The following TNKS variants were observed in gnomAD, a reference collection of about 807,000 sequenced individuals.
TNKS encodes tankyrase, also known as poly [ADP-ribose] polymerase tankyrase-1.
A neutral mutation model predicts 135.8 loss-of-function variants in TNKS; 72 were observed. The observed-to-expected ratio is 0.53, with a 90% CI of 0.44 to 0.64. TNKS has a LOEUF of 0.64. Ranked by LOEUF, TNKS falls within the 30% of genes least tolerant of loss-of-function variation. The pLI is 0.00. For synonymous variants in TNKS, 849 were observed against 649.3 expected (o/e 1.31, Z -4.68); for missense variants, 1,769 against 1,674.0 (o/e 1.06, Z -0.99).
chr8:9,674,199 A>G (rs539304006), intron 3 of TNKS, among the ~76,000 whole-genome samples: 123 of 152,356 alleles, frequency 8.1e-4, no homozygotes, highest in African/African-American at 2.8e-3. Context: ...GAAGTTTAAG[A>G]GTTGAAACTT....
Position 9,647,150 on chromosome 8 carries a change from G to A in TNKS, c.994+31473G>A, listed in dbSNP as rs377339997. Among the ~76,000 whole-genome samples the A allele has an allele frequency of 1.1e-4, 17 of 152,210 alleles. 1 individual carries two copies. The highest frequency in any genetic ancestry group is 6.2e-4 in the South Asian group (3 of 4,820). On this transcript the variant is annotated intron_variant, in intron 3 of 26. Coordinates refer to ENST00000310430, the MANE Select transcript of TNKS (RefSeq NM_003747.3). ...GTATAACTTTAAAAAGCAACAACCC[G>A]CAAACACGCATAGAAACAGACACAC... is the stretch of plus-strand genomic sequence containing the variant.
At chr8:9,714,541 C>G (rs1467306320) in intron 11 of TNKS, among the ~76,000 whole-genome samples, 1 of 152,104 alleles carries the variant, frequency 6.6e-6, no homozygotes, top group African/African-American at 2.4e-5. Flanking sequence ...TCCACTAACT[C>G]CATAAATATT....
chr8:9,619,908 T>C (rs1023350440), intron 3 of TNKS, among the ~76,000 whole-genome samples: 1 of 151,582 alleles, frequency 6.6e-6, no homozygotes, highest in Non-Finnish European at 1.5e-5. Context: ...CTTTGACTAC[T>C]AGATTTTGCT....
chr8:9,740,936 A>C (rs1169949371), intron 17 of TNKS: 2 of 140,202 alleles, frequency 1.4e-5, no homozygotes, highest in Non-Finnish European at 3.0e-5. Context: ...CAGCCTCCCG[A>C]GTAGCTGGAA....
chr8:9,606,258 G>C (rs543767949), intron 2 of TNKS, among the ~76,000 whole-genome samples: 83 of 150,304 alleles, frequency 5.5e-4, no homozygotes, highest in Non-Finnish European at 1.1e-3. Context: ...TTGTTGAAAA[G>C]TCAGTTGACT....
At chr8:9,579,248 G>T (rs1474951998) in intron 1 of TNKS, among the ~76,000 whole-genome samples, 1 of 152,110 alleles carries the variant, frequency 6.6e-6, no homozygotes, top group Non-Finnish European at 1.5e-5. Flanking sequence ...ATCCAAGCTT[G>T]AATTGTTCCA....
At chr8:9,765,587 A>T in intron 23 of TNKS, 105 bp from the exon 24 acceptor site, 1 of 889,546 alleles carries the variant, frequency 1.1e-6, no homozygotes, top group Non-Finnish European at 1.7e-6. Flanking sequence ...ATTATGTCTT[A>T]AGCAAAATAA....
chr8:9,694,362 G>C (rs1803416388), intron 5 of TNKS, among the ~76,000 whole-genome samples: 1 of 152,114 alleles, frequency 6.6e-6, no homozygotes, highest in African/African-American at 2.4e-5. Context: ...TGAACTCACA[G>C]TGAGTTAGGA....
chr8:9,556,543 G>C lies in TNKS; in HGVS notation c.604G>C (p.Val202Leu). 1 of 1,614,188 alleles carries C rather than the reference G, an allele frequency of 6.2e-7. No individual in the cohort carries two copies. Among genetic ancestry groups the C allele is most frequent in the Non-Finnish European group, 8.5e-7 (1 of 1,180,046 alleles). ...GGACGTGTCCCGGGTAAAGAGGCTGGTGGACGCGGCAAACGTAAATGCAAA... is the reference window on the plus strand; with the variant it reads ...GGACGTGTCCCGGGTAAAGAGGCTGCTGGACGCGGCAAACGTAAATGCAAA... Reference protein sequence around the residue: ...NGDVSRVKRLVDAANVNAKDM... With the variant: ...NGDVSRVKRLLDAANVNAKDM... Residue 202 changes from valine (V) to leucine (L), a missense_variant, in exon 1 of 27, where the codon GTG (valine) becomes CTG (leucine). Val to Leu is a conservative substitution (Grantham distance 32, BLOSUM62 1). Transcript: ENST00000310430.
At chr8:9,748,324 G>A (rs1806343894) in intron 18 of TNKS, 112 bp downstream of exon 18, 1 of 996,100 alleles carries the variant, frequency 1.0e-6, no homozygotes, top group African/African-American at 1.7e-5. Context: ...TTAGAACAGA[G>A]ATCTTCTGAA....
At chr8:9,627,780 C>A (rs1003819215) in intron 3 of TNKS, among the ~76,000 whole-genome samples, 2 of 152,164 alleles carry the variant, frequency 1.3e-5, no homozygotes, top group African/African-American at 4.8e-5. Context: ...TCAGATTTCA[C>A]TTTATAATCA....
chr8:9,595,838 T>G (rs1359163980), intron 2 of TNKS, among the ~76,000 whole-genome samples: 1 of 152,006 alleles, frequency 6.6e-6, no homozygotes, highest in Non-Finnish European at 1.5e-5. Flanking sequence ...TTAGGTTAGG[T>G]GCAGTGACTC....
In TNKS at chr8:9,720,557, T is replaced by C. The variant is rs1304783823; in HGVS notation, c.1921+12T>C. 1.9e-6 allele frequency: 3 copies of C among 1,600,822 alleles called. No individual in the cohort carries two copies. The highest frequency in any genetic ancestry group is 2.3e-5 in the East Asian group (1 of 43,958). ...GCAGATTCTGAGTGGTGAGTTAAAA[T>C]AGACCAACAGGGCATTTTATGTTTT... On this transcript the variant is annotated intron_variant, in intron 12 of 26. Coordinates refer to ENST00000310430, the MANE Select transcript of TNKS (RefSeq NM_003747.3).
At chr8:9,660,271 A>G (rs1410202900) in intron 3 of TNKS, among the ~76,000 whole-genome samples, 2 of 152,242 alleles carry the variant, frequency 1.3e-5, no homozygotes, top group Non-Finnish European at 1.5e-5. Flanking sequence ...AAAGCCTGGC[A>G]GAGACACAGC....
intron 5 of TNKS, among the ~76,000 whole-genome samples, chr8:9,703,063 GAA>G (rs1803886587): frequency 6.6e-6 from 1 of 152,112 alleles, no homozygotes. Flanking sequence ...CTGTATGGGT[GAA>G]AACTTTACAG....
At chr8:9,593,698 C>G (rs1165320014) in intron 2 of TNKS, among the ~76,000 whole-genome samples, 1 of 151,922 alleles carries the variant, frequency 6.6e-6, no homozygotes, top group Non-Finnish European at 1.5e-5. Flanking sequence ...GTTTCATTTC[C>G]TTTTACAAAG....
intron 2 of TNKS, among the ~76,000 whole-genome samples, chr8:9,611,575 C>G (rs922423998): frequency 6.6e-6 from 1 of 152,092 alleles, no homozygotes; most frequent in Non-Finnish European, 1.5e-5. Flanking sequence ...TTTAATGGCT[C>G]AGAATGTTGA....
chr8:9,761,710 C>T (rs1249715251), intron 21 of TNKS, 74 bp downstream of exon 21: 43 of 1,479,324 alleles, frequency 2.9e-5, no homozygotes, highest in Admixed American at 1.6e-4. Context: ...GATAATTGAA[C>T]TCAGGCAGTC....
intron 25 of TNKS, 75 bp from the exon 26 acceptor site, chr8:9,770,031 T>A: frequency 6.7e-6 from 9 of 1,347,828 alleles, no homozygotes; most frequent in Non-Finnish European, 8.9e-6. Flanking sequence ...TTTTAAAAAA[T>A]TAATAGATCT....
Sources: allele counts gnomAD v4.1 joint callset (sites outside exome capture counted in the v4.1 genomes callset), GRCh38; gene constraint gnomAD v4.1.1; transcripts MANE v1.5; gene names NCBI Gene and HGNC (gene_info 2026-07-23, HGNC 2026-07-21).